The following BFSP2 variants were observed in gnomAD, a reference collection of about 807,000 sequenced individuals.
BFSP2 encodes the protein beaded filament structural protein 2.
Under a neutral mutation model 44.9 loss-of-function variants are expected in BFSP2, and 38 were observed. The ratio of observed to expected loss-of-function variants is 0.85; its 90% CI spans 0.65 to 1.11. The LOEUF (loss-of-function observed/expected upper bound fraction) is 1.11, where lower values mean the gene tolerates loss of function less well. BFSP2 is among the 50% of genes least tolerant of loss of function. The pLI is 0.00. For missense variants in BFSP2, 525 were observed against 533.0 expected, an observed-to-expected ratio of 0.99 and a Z score of 0.15; for synonymous variants, 197 against 209.9, an observed-to-expected ratio of 0.94 and a Z score of 0.53.
chr3:133,457,939 A>C lies in BFSP2; in HGVS notation c.891+7475A>C, dbSNP rs1021358457. Among the ~76,000 whole-genome samples the C allele has an allele frequency of 1.5e-4, 23 of 152,314 alleles. 1 individual carries two copies. Among genetic ancestry groups the C allele is most frequent in the Admixed American group, 1.5e-3 (23 of 15,304 alleles). ...TTTCCAATCTTTTGCTATTAGAAGA[A>C]ATTAGTCACTAACATGGTATACCTC... On this transcript the variant is annotated intron_variant, in intron 4 of 6. Coordinates refer to ENST00000302334, the MANE Select transcript of BFSP2 (RefSeq NM_003571.4).
intron 1 of BFSP2, chr3:133,429,256 G>A (rs2073684388): frequency 6.6e-6 from 1 of 152,052 alleles, no homozygotes; most frequent in African/African-American, 2.4e-5. Flanking sequence ...TATTAGTCAG[G>A]GTTCTCCAGG....
At chr3:133,451,549 A>G (rs895699779) in intron 4 of BFSP2, among the ~76,000 whole-genome samples, 17 of 152,198 alleles carry the variant, frequency 1.1e-4, no homozygotes, top group African/African-American at 4.1e-4. Flanking sequence ...AAGCGGTGAG[A>G]TGGATTTGGC....
At chr3:133,410,354 A>G in intron 1 of BFSP2, 1 of 330,986 alleles carries the variant, frequency 3.0e-6, no homozygotes, top group Non-Finnish European at 5.8e-6. Flanking sequence ...CAGAGACATG[A>G]CTGTGACTCA....
intron 1 of BFSP2, among the ~76,000 whole-genome samples, chr3:133,425,858 G>GGAAAC (rs2107898823): frequency 7.3e-5 from 7 of 96,284 alleles, no homozygotes; most frequent in African/African-American, 3.9e-4. Flanking sequence ...GGAAAGGAAG[G>GGAAAC]GAAGGGAAGG....
chr3:133,463,201 C>T (rs936569645), intron 4 of BFSP2, among the ~76,000 whole-genome samples: 1 of 152,000 alleles, frequency 6.6e-6, no homozygotes. Context: ...CTCAGCTACT[C>T]GGGAGGCTGA....
chr3:133,436,110 T>G (rs1014557532), intron 1 of BFSP2, among the ~76,000 whole-genome samples: 4 of 152,106 alleles, frequency 2.6e-5, no homozygotes, highest in African/African-American at 9.7e-5. Context: ...ATGTCTGTAA[T>G]CTCAGCACTT....
chr3:133,411,592 A>G (rs1395689182), intron 1 of BFSP2, among the ~76,000 whole-genome samples: 1 of 152,182 alleles, frequency 6.6e-6, no homozygotes, highest in East Asian at 1.9e-4. Context: ...ATTTACAGAA[A>G]AGAAGGGGGT....
Position 133,462,907 on chromosome 3 carries a change from G to A in BFSP2, c.892-3921G>A, listed in dbSNP as rs185715898. Among the ~76,000 whole-genome samples, 471 of 152,310 alleles carry A rather than the reference G, an allele frequency of 3.1e-3. 4 individuals carry two copies. The highest frequency in any genetic ancestry group is 3.2e-3 in the Non-Finnish European group (219 of 68,030). On this transcript the variant is annotated intron_variant, in intron 4 of 6. Coordinates refer to ENST00000302334, the MANE Select transcript of BFSP2 (RefSeq NM_003571.4). Reference sequence around the variant, plus strand: ...CTGGTGGCAAATCTGTAGGGGGTCTGAAGCAACCTCAATTCTTGCCTCCTC... The same window carrying A: ...CTGGTGGCAAATCTGTAGGGGGTCTAAAGCAACCTCAATTCTTGCCTCCTC...
chr3:133,406,200 C>G (rs1339202950), intron 1 of BFSP2, among the ~76,000 whole-genome samples: 2 of 151,920 alleles, frequency 1.3e-5, no homozygotes, highest in African/African-American at 4.8e-5. Context: ...CTCAGGTGAT[C>G]CACCAGCCTT....
At chr3:133,423,184 G>A (rs2073608060) in intron 1 of BFSP2, among the ~76,000 whole-genome samples, 1 of 152,174 alleles carries the variant, frequency 6.6e-6, no homozygotes, top group Admixed American at 6.5e-5. Flanking sequence ...AGAAAGGGAG[G>A]GAGGGAAAGA....
intron 1 of BFSP2, among the ~76,000 whole-genome samples, chr3:133,432,785 C>G (rs554569613): frequency 6.6e-6 from 1 of 152,290 alleles, no homozygotes; most frequent in South Asian, 2.1e-4. Context: ...CAAACCCCAG[C>G]ACCTTCTACA....
intron 1 of BFSP2, among the ~76,000 whole-genome samples, chr3:133,446,813 G>A (rs997897175): frequency 3.3e-5 from 5 of 150,998 alleles, no homozygotes; most frequent in African/African-American, 1.2e-4. Context: ...CGAAACTCTA[G>A]AGCCACGCTG....
chr3:133,447,236 G>A (rs2073911168), intron 1 of BFSP2, 81 bp from the exon 2 acceptor site: 1 of 1,459,798 alleles, frequency 6.9e-7, no homozygotes, highest in Non-Finnish European at 9.6e-7. Flanking sequence ...CAGAGCCTCT[G>A]TGCCTAACAC....
intron 1 of BFSP2, among the ~76,000 whole-genome samples, chr3:133,412,849 C>T (rs766286885): frequency 3.9e-5 from 6 of 152,234 alleles, no homozygotes; most frequent in Non-Finnish European, 7.3e-5. Flanking sequence ...AATTCCAGAC[C>T]AGCAGTGAGA....
At chr3:133,473,306 T>G (rs1355894087) in intron 6 of BFSP2, among the ~76,000 whole-genome samples, 2 of 152,092 alleles carry the variant, frequency 1.3e-5, no homozygotes, top group Admixed American at 1.3e-4. Context: ...GCTCTTTTCA[T>G]CTTTCTAACA....
chr3:133,469,089 G>GA (rs796474594), intron 5 of BFSP2, among the ~76,000 whole-genome samples: 1 of 152,064 alleles, frequency 6.6e-6, no homozygotes, highest in Non-Finnish European at 1.5e-5. Context: ...AACCATTGGG[G>GA]AAAAAAATGG....
intron 1 of BFSP2, among the ~76,000 whole-genome samples, chr3:133,428,194 G>T (rs746718329): frequency 6.6e-6 from 1 of 152,152 alleles, no homozygotes. Flanking sequence ...TTCCTGAGAC[G>T]CAAAGCCCAA....
chr3:133,422,896 A>G (rs910483354), intron 1 of BFSP2, among the ~76,000 whole-genome samples: 1 of 152,212 alleles, frequency 6.6e-6, no homozygotes, highest in Admixed American at 6.5e-5. Context: ...ACCAATGAAC[A>G]GCTGGAATTT....
At chr3:133,453,294 C>T (rs148158708) in intron 4 of BFSP2, among the ~76,000 whole-genome samples, 20 of 152,346 alleles carry the variant, frequency 1.3e-4, no homozygotes, top group Non-Finnish European at 1.9e-4. Flanking sequence ...TGGCTTAGCA[C>T]ACACAGCTTT....
Sources: allele counts gnomAD v4.1 joint callset (sites outside exome capture counted in the v4.1 genomes callset), GRCh38; gene constraint gnomAD v4.1.1; transcripts MANE v1.5; gene names NCBI Gene and HGNC (gene_info 2026-07-23, HGNC 2026-07-21).